The following MSRA variants were observed in gnomAD, a reference collection of about 807,000 sequenced individuals.
MSRA encodes methionine sulfoxide reductase A, also known as mitochondrial peptide methionine sulfoxide reductase.
In MSRA, 54 loss-of-function variants were observed where a neutral mutation model predicts 31.3. That is an observed-to-expected ratio of 1.73 (90% CI 1.39 to 2.17). The LOEUF (loss-of-function observed/expected upper bound fraction) is 2.17, where lower values mean the gene tolerates loss of function less well. MSRA is among the 30% of genes most tolerant of loss of function. The pLI is 0.00. For synonymous variants in MSRA, 169 were observed against 116.5 expected, an observed-to-expected ratio of 1.45 and a Z score of -2.90; for missense variants, 507 against 300.9, an observed-to-expected ratio of 1.69 and a Z score of -5.07.
At chr8:10,300,368 G>A (rs201651682) in intron 3 of MSRA, among the ~76,000 whole-genome samples, 1 of 151,992 alleles carries the variant, frequency 6.6e-6, no homozygotes, top group East Asian at 1.9e-4. Flanking sequence ...TGATTCTCCT[G>A]CCTCAGCGTC....
chr8:10,218,619 A>C (rs1223206285), intron 2 of MSRA, among the ~76,000 whole-genome samples: 1 of 152,222 alleles, frequency 6.6e-6, no homozygotes, highest in Non-Finnish European at 1.5e-5. Context: ...TGTGAGATCC[A>C]GTTTGCTGAA....
chr8:10,151,949 A>G (rs1242114251), intron 1 of MSRA, among the ~76,000 whole-genome samples: 1 of 151,854 alleles, frequency 6.6e-6, no homozygotes, highest in East Asian at 1.9e-4. Flanking sequence ...TCACCACCTG[A>G]CCCTTATTTC....
At chr8:10,372,695 G>C (rs115019545) in intron 5 of MSRA, among the ~76,000 whole-genome samples, 17 of 152,322 alleles carry the variant, frequency 1.1e-4, no homozygotes, top group African/African-American at 2.9e-4. Flanking sequence ...AAACAGACTG[G>C]AGGTGCCCCC....
At chr8:10,069,511 A>G (rs558997933) in intron 1 of MSRA, among the ~76,000 whole-genome samples, 1 of 152,382 alleles carries the variant, frequency 6.6e-6, no homozygotes, top group African/African-American at 2.4e-5. Flanking sequence ...CAAGTCCATG[A>G]TCACCGTCAA....
rs144533133 is a variant in MSRA at position 10,360,268 on chromosome 8, G to A, written c.543+40279G>A. Reference sequence around the variant, plus strand: ...TGTTTTGTGCCCAGGTCCACCAGATGCCCTATTGCTTCCCTCTGTTTTCTC... The same window carrying A: ...TGTTTTGTGCCCAGGTCCACCAGATACCCTATTGCTTCCCTCTGTTTTCTC... On this transcript the variant is annotated intron_variant, in intron 5 of 5. Coordinates refer to ENST00000317173, the MANE Select transcript of MSRA (RefSeq NM_012331.5). Among the ~76,000 whole-genome samples the A allele has an allele frequency of 9.7e-3, 1,473 of 152,290 alleles. 24 individuals carry two copies. The highest frequency in any genetic ancestry group is 0.034 in the African/African-American group (1,420 of 41,540).
intron 1 of MSRA, among the ~76,000 whole-genome samples, chr8:10,163,132 G>C (rs1162651095): frequency 6.6e-6 from 1 of 152,182 alleles, no homozygotes; most frequent in African/African-American, 2.4e-5. Flanking sequence ...CTGTAGTCCA[G>C]AAGCGGGCTT....
chr8:10,368,257 C>T (rs1446863008), intron 5 of MSRA, among the ~76,000 whole-genome samples: 2 of 152,190 alleles, frequency 1.3e-5, no homozygotes, highest in Non-Finnish European at 2.9e-5. Context: ...CGCATTTTTA[C>T]AGAGTGAGTC....
At chr8:10,153,137 A>T (rs1232327576) in intron 1 of MSRA, among the ~76,000 whole-genome samples, 1 of 152,202 alleles carries the variant, frequency 6.6e-6, no homozygotes. Context: ...AGAAATGGTT[A>T]CGATGGTAAA....
chr8:10,091,848 CTGCTT>C lies in MSRA; in HGVS notation c.142+37191_142+37195del, dbSNP rs143799615. The stretch of plus-strand genomic sequence containing the variant: ...TCTCGAACTCTTGTCCTCAGGCAAT[CTGCTT>C]GGCTTGGCCTCCCAGAGTGTTGGGA... On this transcript the variant is annotated intron_variant, in intron 1 of 5. Coordinates refer to ENST00000317173, the MANE Select transcript of MSRA (RefSeq NM_012331.5). 1.7e-3 allele frequency among the ~76,000 whole-genome samples: 265 copies of C among 152,266 alleles called. 1 individual carries two copies. The highest frequency in any genetic ancestry group is 6.2e-3 in the African/African-American group (256 of 41,548).
intron 5 of MSRA, among the ~76,000 whole-genome samples, chr8:10,400,392 A>AGC (rs1369585471): frequency 6.8e-6 from 1 of 147,838 alleles, no homozygotes; most frequent in South Asian, 2.2e-4. Flanking sequence ...TGTAGTGTGT[A>AGC]GTGTGTAGGG....
At chr8:10,113,034 C>G (rs1800399046) in intron 1 of MSRA, among the ~76,000 whole-genome samples, 1 of 152,156 alleles carries the variant, frequency 6.6e-6, no homozygotes, top group Non-Finnish European at 1.5e-5. Flanking sequence ...CTTGCATATT[C>G]TCTGTCTGCA....
chr8:10,141,480 C>T (rs1474790566), intron 1 of MSRA, among the ~76,000 whole-genome samples: 1 of 152,216 alleles, frequency 6.6e-6, no homozygotes, highest in African/African-American at 2.4e-5. Context: ...TCCCCTCCTG[C>T]TTCATCTAAC....
chr8:10,241,570 G>C (rs539281006), intron 2 of MSRA, among the ~76,000 whole-genome samples: 4 of 152,286 alleles, frequency 2.6e-5, no homozygotes, highest in African/African-American at 9.6e-5. Context: ...TAACAAAGTA[G>C]TAGCTGAGGG....
intron 3 of MSRA, chr8:10,250,670 G>T (rs1167189808): frequency 1.7e-6 from 1 of 580,634 alleles, no homozygotes; most frequent in Admixed American, 3.0e-5. Context: ...GCGGAGTGTG[G>T]GAGTCCTCGT....
At chr8:10,304,262 A>T (rs1157780187) in intron 4 of MSRA, among the ~76,000 whole-genome samples, 2 of 152,246 alleles carry the variant, frequency 1.3e-5, no homozygotes, top group East Asian at 3.8e-4. Flanking sequence ...TCACTAAGGC[A>T]TCTGGGATAC....
chr8:10,334,513 A>C (rs958074116), intron 5 of MSRA, among the ~76,000 whole-genome samples: 5 of 152,052 alleles, frequency 3.3e-5, no homozygotes, highest in Admixed American at 3.3e-4. Context: ...CTACAGGGGC[A>C]GTGCGTTTGC....
At chr8:10,108,692 C>T (rs1424204028) in intron 1 of MSRA, among the ~76,000 whole-genome samples, 1 of 152,166 alleles carries the variant, frequency 6.6e-6, no homozygotes, top group East Asian at 1.9e-4. Flanking sequence ...TCTGTGCAGT[C>T]CTCACGAGGG....
intron 5 of MSRA, among the ~76,000 whole-genome samples, chr8:10,369,980 C>G (rs1019314674): frequency 1.4e-4 from 22 of 152,320 alleles, no homozygotes; most frequent in Admixed American, 7.2e-4. Flanking sequence ...TTGATGGACA[C>G]TTGGCATGCA....
chr8:10,405,394 G>T (rs1807742084), intron 5 of MSRA, among the ~76,000 whole-genome samples: 1 of 152,174 alleles, frequency 6.6e-6, no homozygotes, highest in East Asian at 1.9e-4. Flanking sequence ...GGGACATCTG[G>T]CGCGAGATGG....
Sources: gnomAD v4.1 joint callset for allele counts (sites outside exome capture counted in the v4.1 genomes callset) on GRCh38, gnomAD v4.1.1 for gene constraint, MANE v1.5 for transcripts, NCBI Gene and HGNC (gene_info 2026-07-23, HGNC 2026-07-21) for gene names.